CEP43: variants seen among roughly 807,000 people sequenced by gnomAD.
CEP43 encodes FGFR1 oncogene partner.
CEP43 carries 36 observed loss-of-function variants against 52.6 expected under a neutral mutation model. That is an observed-to-expected ratio of 0.68 (90% CI 0.52 to 0.90). CEP43 has a LOEUF of 0.90. CEP43 is among the 40% of genes least tolerant of loss of function. The pLI is 0.00. For synonymous variants in CEP43, 192 were observed against 172.4 expected, an observed-to-expected ratio of 1.11 and a Z score of -0.89; for missense variants, 506 against 472.8, an observed-to-expected ratio of 1.07 and a Z score of -0.65.
intron 9 of CEP43, among the ~76,000 whole-genome samples, chr6:167,025,960 GTC>G (rs1314906653): frequency 6.6e-6 from 1 of 152,178 alleles, no homozygotes; most frequent in Non-Finnish European, 1.5e-5. Context: ...ATAATTAACA[GTC>G]TATGAATTCA....
chr6:167,037,048 C>T (rs565203235), intron 12 of CEP43, among the ~76,000 whole-genome samples: 2 of 152,154 alleles, frequency 1.3e-5, no homozygotes, highest in African/African-American at 4.8e-5. Flanking sequence ...TCTTGTGATC[C>T]CCCCGCCTTG....
intron 5 of CEP43, among the ~76,000 whole-genome samples, chr6:167,007,739 A>G (rs1186666838): frequency 1.3e-5 from 2 of 152,188 alleles, no homozygotes; most frequent in African/African-American, 4.8e-5. Flanking sequence ...CCAAAACTGC[A>G]TTTTAACCAC....
intron 8 of CEP43, among the ~76,000 whole-genome samples, chr6:167,023,124 G>A (rs76141766): frequency 0.025 from 3,810 of 152,256 alleles, 168 homozygotes; most frequent in African/African-American, 0.088. Flanking sequence ...GTGGGTTGAT[G>A]GAGCTTTGGG....
At chr6:167,009,517 A>AAAAAAC (rs1779934139) in intron 5 of CEP43, among the ~76,000 whole-genome samples, 4 of 149,830 alleles carry the variant, frequency 2.7e-5, no homozygotes, top group African/African-American at 4.9e-5. Context: ...AAAAAAAAAA[A>AAAAAAC]AAAAAAAAAA....
chr6:167,026,871 G>A (rs185578637), intron 10 of CEP43, among the ~76,000 whole-genome samples: 1 of 152,190 alleles, frequency 6.6e-6, no homozygotes, highest in Non-Finnish European at 1.5e-5. Flanking sequence ...CATTAAACGG[G>A]CATCTACAGA....
At chr6:167,024,357 T>C (rs6928981) in intron 8 of CEP43, among the ~76,000 whole-genome samples, 3,867 of 152,262 alleles carry the variant, frequency 0.025, 173 homozygotes, top group African/African-American at 0.089. Context: ...TTGAGGTTAG[T>C]GGTCATGACT....
chr6:166,999,572 G>A (rs1779676597), intron 1 of CEP43, 58 bp downstream of exon 1: 3 of 1,250,274 alleles, frequency 2.4e-6, no homozygotes, highest in Non-Finnish European at 2.1e-6. Flanking sequence ...GTGGACAGCG[G>A]GCGTCACAAC....
In CEP43 at chr6:167,032,604, A is replaced by T. The variant is rs370473020; in HGVS notation, c.990A>T (p.Gly330=). ...CATATCTTTTCTTAAACTTATCAGG[A>T]ACTGGAGAAGATGATGACTATGTTG... is the stretch of plus-strand genomic sequence containing the variant. ...ISDKIGSLGL[G]TGEDDDYVDD... Residue 330 remains glycine, a splice_region_variant and synonymous_variant, in exon 11 of 13, where the codon GGA becomes GGT. Coordinates refer to ENST00000366847, the MANE Select transcript of CEP43 (RefSeq NM_007045.4). 2.5e-6 allele frequency: 4 copies of T among 1,576,500 alleles called. No homozygotes were observed. In the African/African-American group the frequency reaches 4.0e-5, roughly 16 times the overall value.
Position 167,047,734 on chromosome 6 carries a change from T to C in CEP43, c.*7756T>C, listed in dbSNP as rs1008102481. 1 of 152,166 alleles carries C rather than the reference T, an allele frequency of 6.6e-6. No individual in the cohort carries two copies. The highest frequency in any genetic ancestry group is 1.5e-5 in the Non-Finnish European group (1 of 68,038). 9.4% of individuals were successfully genotyped at this position (152,166 alleles called of 1,614,324 possible). A position where few individuals can be genotyped will look rare whatever the true frequency, so the allele number is the denominator to read the frequency against. On this transcript the variant is annotated 3_prime_UTR_variant, in exon 13 of 13. Transcript: ENST00000366847. ...CCCCGCGCCGAGCTACTGTGATGTATTTTTATGACCTGGCAGCTTTTTTCT... is the reference window on the plus strand; with the variant it reads ...CCCCGCGCCGAGCTACTGTGATGTACTTTTATGACCTGGCAGCTTTTTTCT...
intron 1 of CEP43, chr6:166,999,801 C>T (rs1470299148): frequency 1.9e-6 from 1 of 529,498 alleles, no homozygotes; most frequent in South Asian, 2.6e-5. Flanking sequence ...ACGGGCGGCC[C>T]GCAGCTGGGC....
chr6:167,042,548 C>T lies in CEP43; in HGVS notation c.*2570C>T, dbSNP rs10946207. The T allele has an allele frequency of 0.32, 58,923 of 181,564 alleles. 10,472 individuals are homozygous for T. Among genetic ancestry groups the T allele is most frequent in the Middle Eastern group, 0.41 (142 of 346 alleles). 11.2% of individuals were successfully genotyped at this position (181,564 alleles called of 1,614,324 possible). ...TTACTTCCCTCTCCTGCCCATGCAC[C>T]AGAGCTGTGCCAGCCCACTGCTGCA... is the stretch of plus-strand genomic sequence containing the variant. On this transcript the variant is annotated 3_prime_UTR_variant, in exon 13 of 13. Coordinates refer to ENST00000366847, the MANE Select transcript of CEP43 (RefSeq NM_007045.4).
chr6:167,001,790 C>T (rs980238813), intron 2 of CEP43, among the ~76,000 whole-genome samples: 12 of 152,136 alleles, frequency 7.9e-5, no homozygotes, highest in African/African-American at 2.9e-4. Flanking sequence ...CTTGTTTCTT[C>T]TTTTCCAGAT....
In CEP43 at chr6:167,033,964, G is replaced by A. The variant is rs1289923463; in HGVS notation, c.1118G>A (p.Ser373Asn). 3.3e-6 allele frequency: 5 copies of A among 1,497,388 alleles called. No individual in the cohort carries two copies. The highest frequency in any genetic ancestry group is 2.4e-5 in the South Asian group (2 of 84,136). 92.8% of individuals were successfully genotyped at this position (1,497,388 alleles called of 1,614,324 possible). Residue 373 changes from serine to asparagine, a missense_variant, in exon 12 of 13, where the codon AGT becomes AAT. Ser to Asn is a conservative substitution (Grantham distance 46). Coordinates refer to ENST00000366847, the MANE Select transcript of CEP43 (RefSeq NM_007045.4). ...GTGGAAATAGATGACATCAATACCA[G>A]TGATAAGGTATGGTGTTCTGCATTT... Reference protein sequence around the residue: ...LSVEIDDINTSDKLDDLTQDL... With the variant: ...LSVEIDDINTNDKLDDLTQDL...
chr6:167,038,636 A>C (rs1263588231), intron 12 of CEP43, among the ~76,000 whole-genome samples: 1 of 152,166 alleles, frequency 6.6e-6, no homozygotes, highest in Non-Finnish European at 1.5e-5. Context: ...TTAAATTTTC[A>C]CTTGAAATAT....
chr6:167,026,460 C>T (rs925994621), intron 9 of CEP43, 87 bp from the exon 10 acceptor site: 44 of 799,026 alleles, frequency 5.5e-5, no homozygotes, highest in Non-Finnish European at 9.2e-5. Flanking sequence ...AAAGAAGCCC[C>T]ATATTGAACA....
At position 167,040,094 on chromosome 6, in the gene CEP43, T is replaced by G. The variant is rs773830249; in HGVS notation, c.*116T>G. On this transcript the variant is annotated 3_prime_UTR_variant, in exon 13 of 13. Coordinates refer to ENST00000366847, the MANE Select transcript of CEP43 (RefSeq NM_007045.4). ...CTGCTCTCTATTGGTGCCTTGCATT[T>G]CAAAAACACTGCAGATATTTTTTAA... is the stretch of plus-strand genomic sequence containing the variant. The G allele has an allele frequency of 6.2e-7, 1 of 1,604,900 alleles. No individual in the cohort carries two copies. Among genetic ancestry groups the G allele is most frequent in the South Asian group, 1.1e-5 (1 of 90,506 alleles).
intron 2 of CEP43, among the ~76,000 whole-genome samples, chr6:167,001,668 C>T (rs780158742): frequency 2.6e-5 from 4 of 152,160 alleles, no homozygotes; most frequent in East Asian, 1.9e-4. Context: ...GAAATCTAAG[C>T]GTTTCTTAGG....
At chr6:167,020,516 G>T (rs1241575884) in intron 7 of CEP43, among the ~76,000 whole-genome samples, 1 of 152,132 alleles carries the variant, frequency 6.6e-6, no homozygotes. Context: ...TTCTTTCTCA[G>T]CCATCCATCC....
rs1055624791 is a variant in CEP43, at chr6:167,048,526, G to A, written c.*8548G>A. ...ACTGCACTACAGCCTGGGTGACAGAGTAAGACCCTATCTCAAAAAAAAGAA... is the reference window on the plus strand; with the variant it reads ...ACTGCACTACAGCCTGGGTGACAGAATAAGACCCTATCTCAAAAAAAAGAA... On this transcript the variant is annotated 3_prime_UTR_variant, in exon 13 of 13. Coordinates refer to ENST00000366847, the MANE Select transcript of CEP43 (RefSeq NM_007045.4). 1 of 152,132 alleles carries A rather than the reference G, an allele frequency of 6.6e-6. No homozygotes were observed. The highest frequency in any genetic ancestry group is 1.5e-5 in the Non-Finnish European group (1 of 68,026). The allele number at this position is 152,132 out of a possible 1,614,324, so 9.4% of individuals were successfully genotyped here.
Sources: allele counts gnomAD v4.1 joint callset (sites outside exome capture counted in the v4.1 genomes callset), GRCh38; gene constraint gnomAD v4.1.1; transcripts MANE v1.5; gene names NCBI Gene and HGNC (gene_info 2026-07-23, HGNC 2026-07-21).